IGSF9: variants seen among roughly 807,000 people sequenced by gnomAD.
The protein encoded by IGSF9 is protein turtle homolog A.
In IGSF9, 87 loss-of-function variants were observed where a neutral mutation model predicts 121.7. The observed-to-expected ratio is 0.71, with a 90% CI of 0.60 to 0.85. IGSF9 has a LOEUF of 0.85. Among genes scored for constraint, IGSF9 ranks in the 40% least tolerant of loss-of-function variants. The pLI, the probability that IGSF9 is intolerant of heterozygous loss-of-function variation, is 0.00. For synonymous variants in IGSF9, 640 were observed against 648.4 expected (o/e 0.99, Z 0.20); for missense variants, 1,462 against 1,565.3 (o/e 0.93, Z 1.11).
At chr1:159,927,620 T>C in intron 20 of IGSF9, 94 bp from the exon 21 acceptor site, 1 of 1,540,888 alleles carries the variant, frequency 6.5e-7, no homozygotes, top group Non-Finnish European at 8.8e-7. Flanking sequence ...CCAGTACAGA[T>C]GGCCCAAGGG....
rs372593977 is a variant in IGSF9 at position 159,936,430 on chromosome 1, G to A, written c.642C>T (p.Ser214=). 1.5e-5 allele frequency: 24 copies of A among 1,613,892 alleles called. No homozygotes were observed. Among genetic ancestry groups the A allele is most frequent in the Admixed American group, 1.0e-4 (6 of 59,992 alleles). Residue 214 remains serine, a synonymous_variant, in exon 6 of 21, where the codon AGC becomes AGT. Coordinates refer to ENST00000368094, the MANE Select transcript of IGSF9 (RefSeq NM_001135050.2). ...YTCQASSTEG[S]ATHATQLLVL... ...CTAGCAGCTGGGTGGCGTGGGTGGC[G>A]CTGCCCTCAGTGCTGGAGGCTTGGC... is the stretch of plus-strand genomic sequence containing the variant.
At chr1:159,935,014 T>G (rs916587086) in intron 6 of IGSF9, among the ~76,000 whole-genome samples, 192 bp from the exon 7 acceptor site, 27 of 152,224 alleles carry the variant, frequency 1.8e-4, no homozygotes, top group African/African-American at 6.5e-4. Flanking sequence ...AGACCCATTC[T>G]TCTTTCCAAA....
chr1:159,931,885 T>G lies in IGSF9; in HGVS notation c.1289A>C (p.Gln430Pro). Reference protein sequence around the residue: ...FIERPKEEYFQEVGRELLIPC... With the variant: ...FIERPKEEYFPEVGRELLIPC... Reference sequence around the variant, plus strand: ...GATGAGCAGCTCCCGCCCTACTTCTTGGAAATATTCTTCCTTGGGCCGCTC... The same window carrying G: ...GATGAGCAGCTCCCGCCCTACTTCTGGGAAATATTCTTCCTTGGGCCGCTC... The change falls in exon 11 of 21, where the codon CAA becomes CCA. Residue 430 changes from glutamine to proline, a missense_variant. By Grantham distance (76) the Gln-to-Pro change is moderately conservative (BLOSUM62 -1). This residue lies in a region of IGSF9 where 558 missense variants were observed against 599.4 expected (regional missense o/e 0.93). Coordinates refer to ENST00000368094, the MANE Select transcript of IGSF9 (RefSeq NM_001135050.2). This position sits in a 1 kb window ranked among gnomAD's most constrained non-coding sequence, Gnocchi z 4.8. 3.1e-6 allele frequency: 5 copies of G among 1,597,986 alleles called. No homozygotes were observed. Among genetic ancestry groups the G allele is most frequent in the Non-Finnish European group, 4.3e-6 (5 of 1,175,148 alleles).
In IGSF9 at chr1:159,934,834, A is replaced by C. The variant is rs759046376; in HGVS notation, c.674-12T>G. ...GATGACTGGGGGTCCTGTGGGATGCACAAGGGGAGGAAGGTGGCCTCAGCC... is the reference window on the plus strand; with the variant it reads ...GATGACTGGGGGTCCTGTGGGATGCCCAAGGGGAGGAAGGTGGCCTCAGCC... On this transcript the variant is annotated splice_polypyrimidine_tract_variant and intron_variant, in intron 6 of 20. Transcript: ENST00000368094. 10 of 1,613,826 alleles carry C rather than the reference A, an allele frequency of 6.2e-6. No homozygotes were observed. The highest frequency in any genetic ancestry group is 7.6e-6 in the Non-Finnish European group (9 of 1,179,946).
Position 159,929,956 on chromosome 1 carries a change from C to T in IGSF9, c.2084G>A (p.Arg695His), listed in dbSNP as rs765405500. The change falls in exon 16 of 21, where the codon CGC becomes CAC. Residue 695 changes from arginine to histidine, a missense_variant. By Grantham distance (29) the Arg-to-His change is conservative (BLOSUM62 0). Transcript: ENST00000368094. ...GLIKDVLYEF[R>H]LVAFAGSFVS... The stretch of plus-strand genomic sequence containing the variant: ...GAAGCTGCCCGCGAAGGCCACGAGG[C>T]GGAACTCGTAGAGAACATCCTGCGA... 1.9e-6 allele frequency: 3 copies of T among 1,585,862 alleles called. No homozygotes were observed. Among genetic ancestry groups the T allele is most frequent in the Non-Finnish European group, 2.6e-6 (3 of 1,166,904 alleles).
rs777609152 is a variant in IGSF9 at position 159,931,200 on chromosome 1, G to A, written c.1575C>T (p.Val525=). 14 of 1,614,028 alleles carry A rather than the reference G, an allele frequency of 8.7e-6. No homozygotes were observed. In the Admixed American group the frequency reaches 2.2e-4, roughly 25 times the overall value. Residue 525 remains valine, a synonymous_variant, in exon 13 of 21, where the codon GTC becomes GTT. Transcript: ENST00000368094. The surrounding 1 kb of genome is among the most constrained non-coding windows in gnomAD (Gnocchi z 4.8). ...CACCATCAAAGCCAGGCTCCCAGGA[G>A]ACATTGGCACCCTTGGGCAAAGCCA... ...SVVALPKGAN[V]SWEPGFDGGY...
rs1197267109 is a variant in IGSF9 at position 159,928,587 on chromosome 1, T to C, written c.2801A>G (p.Glu934Gly). 8 of 1,513,384 alleles carry C rather than the reference T, an allele frequency of 5.3e-6. No homozygotes were observed. Among genetic ancestry groups the C allele is most frequent in the Admixed American group, 2.2e-5 (1 of 44,706 alleles). The allele number at this position is 1,513,384 out of a possible 1,614,324, so 93.7% of individuals were successfully genotyped here. A position where few individuals can be genotyped will look rare whatever the true frequency, so the allele number is the denominator to read the frequency against. ...LQYLSLPFFR[E>G]MNVDGDWPPL... ...GGGCCAGTCCCCATCCACATTCATCTCTCGGAAGAAGGGCAGGCTCAGGTA... is the reference window on the plus strand; with the variant it reads ...GGGCCAGTCCCCATCCACATTCATCCCTCGGAAGAAGGGCAGGCTCAGGTA... The change falls in exon 19 of 21, where the codon GAG (glutamate) becomes GGG (glycine). Residue 934 changes from glutamate to glycine, a missense_variant. Coordinates refer to ENST00000368094, the MANE Select transcript of IGSF9 (RefSeq NM_001135050.2).
chr1:159,936,525 G>C lies in IGSF9; in HGVS notation c.556-9C>G, dbSNP rs181071898. 3.5e-4 allele frequency: 569 copies of C among 1,613,182 alleles called. 3 individuals are homozygous for C. In the African/African-American group the frequency reaches 6.2e-3, roughly 18 times the overall value. On this transcript the variant is annotated splice_polypyrimidine_tract_variant and intron_variant, in intron 5 of 20. Transcript: ENST00000368094. ...AGCGTCCCGTTCTGCACCTAGGGAA[G>C]GAGTGGGTGAGGAAGAGTCCTTTCC...
chr1:159,936,757 C>T lies in IGSF9; in HGVS notation c.552G>A (p.Val184=), dbSNP rs1463894158. Residue 184 remains valine (V), a synonymous_variant, in exon 5 of 21, where the codon GTG becomes GTA. Transcript: ENST00000368094. The part of the protein sequence containing the change: ...GKDLGQGQGQ[V]QVQNGTLRIR... ...TCTGTCCACCCCCAGGACTCACTTG[C>T]ACCTGGCCCTGGCCCTGGCCAAGGT... The T allele has an allele frequency of 6.2e-6, 10 of 1,614,134 alleles. No individual in the cohort carries two copies. Among genetic ancestry groups the T allele is most frequent in the Non-Finnish European group, 7.6e-6 (9 of 1,179,992 alleles).
At chr1:159,937,188 G>C (rs1031921660) in intron 4 of IGSF9, among the ~76,000 whole-genome samples, 1 of 152,220 alleles carries the variant, frequency 6.6e-6, no homozygotes, top group African/African-American at 2.4e-5. Flanking sequence ...TTCTGGGAGT[G>C]AGGAGGCCTG....
At position 159,934,509 on chromosome 1, in the gene IGSF9, G is replaced by C. The variant is rs1488009175; in HGVS notation, c.877C>G (p.Pro293Ala). 2 of 1,613,164 alleles carry C rather than the reference G, an allele frequency of 1.2e-6. No homozygotes were observed. The highest frequency in any genetic ancestry group is 1.7e-6 in the Non-Finnish European group (2 of 1,179,630). The change falls in exon 8 of 21, where the codon CCT becomes GCT. Residue 293 changes from proline to alanine, a missense_variant. This residue lies in a region of IGSF9 where 558 missense variants were observed against 599.4 expected (regional missense o/e 0.93). Coordinates refer to ENST00000368094, the MANE Select transcript of IGSF9 (RefSeq NM_001135050.2). Reference sequence around the variant, plus strand: ...CAGGTGTAGCAGCCGGCATCATCAGGCTGGGTGGCCAGCAGCCGCAGGCTC... The same window carrying C: ...CAGGTGTAGCAGCCGGCATCATCAGCCTGGGTGGCCAGCAGCCGCAGGCTC... ...DGSLRLLATQ[P>A]DDAGCYTCVP... is the part of the protein sequence containing the mutation.
chr1:159,929,669 AGCCCT>A lies in IGSF9; in HGVS notation c.2290_2294del (p.Arg764CysfsTer34). ...GGAGGCGCTTGCGGCGGCGGCGGGC[AGCCCT>A]GCGCCGGTTCAGGAGGCAGCCGGCC... On this transcript the variant is annotated frameshift_variant, in exon 17 of 21. Transcript: ENST00000368094. LOFTEE classifies it high-confidence loss of function. The A allele has an allele frequency of 6.3e-7, 1 of 1,594,822 alleles. No individual in the cohort carries two copies. The highest frequency in any genetic ancestry group is 8.5e-7 in the Non-Finnish European group (1 of 1,172,430).
chr1:159,927,097 C>CACACACAGAGAG lies in IGSF9; in HGVS notation c.*247_*248insCTCTCTGTGTGT, dbSNP rs762782876. ...AACTTCACACACACACACACACACA[C>CACACACAGAGAG]AGAGAGAGAGAGAGAGAGAGAGAGA... On this transcript the variant is annotated 3_prime_UTR_variant, in exon 21 of 21. Transcript: ENST00000368094. 9.7e-5 allele frequency: 36 copies of CACACACAGAGAG among 371,952 alleles called. No individual in the cohort carries two copies. Among genetic ancestry groups the CACACACAGAGAG allele is most frequent in the African/African-American group, 7.3e-4 (31 of 42,326 alleles). 23.0% of individuals were successfully genotyped at this position (371,952 alleles called of 1,614,324 possible).
Position 159,932,072 on chromosome 1 carries a change from C to T in IGSF9, c.1246-144G>A, listed in dbSNP as rs1171057384. 6.6e-6 allele frequency: 4 copies of T among 610,614 alleles called. No homozygotes were observed. Among genetic ancestry groups the T allele is most frequent in the South Asian group, 2.0e-5 (1 of 50,308 alleles). The allele number at this position is 610,614 out of a possible 1,614,324, so 37.8% of individuals were successfully genotyped here. A position where few individuals can be genotyped will look rare whatever the true frequency, so the allele number is the denominator to read the frequency against. ...TAAACACTCACCAAGCCTGTCTCTA[C>T]CTCATTCTCTCTCCATCTCTCAATT... On this transcript the variant is annotated intron_variant, in intron 10 of 20. Coordinates refer to ENST00000368094, the MANE Select transcript of IGSF9 (RefSeq NM_001135050.2). This position sits in a 1 kb window ranked among gnomAD's most constrained non-coding sequence, Gnocchi z 4.1.
At position 159,943,126 on chromosome 1, in the gene IGSF9, C is replaced by T. The variant is rs775115312; in HGVS notation, c.84G>A (p.Ser28=). 26 of 1,597,010 alleles carry T rather than the reference C, an allele frequency of 1.6e-5. No homozygotes were observed. Among genetic ancestry groups the T allele is most frequent in the Admixed American group, 1.1e-4 (6 of 54,410 alleles). ...CACTCTCCCCAGCCCGGCCCACCAC[C>T]GATACCACCTCAGGCTTCCCTCGAC... is the stretch of plus-strand genomic sequence containing the variant. ...ADGRGKPEVV[S]VVGRAGESVV... is the part of the protein sequence containing the mutation. Residue 28 remains serine, a synonymous_variant, in exon 3 of 21, where the codon TCG becomes TCA. Transcript: ENST00000368094.
At chr1:159,935,320 C>T (rs1007806447) in intron 6 of IGSF9, among the ~76,000 whole-genome samples, 4 of 152,190 alleles carry the variant, frequency 2.6e-5, no homozygotes, top group African/African-American at 7.2e-5. Context: ...GCAACAGCAC[C>T]TGGCTCCTAC....
chr1:159,931,346 C>T lies in IGSF9; in HGVS notation c.1514-85G>A. On this transcript the variant is annotated intron_variant, in intron 12 of 20. Coordinates refer to ENST00000368094, the MANE Select transcript of IGSF9 (RefSeq NM_001135050.2). This position sits in a 1 kb window ranked among gnomAD's most constrained non-coding sequence, Gnocchi z 4.8. ...GGGGCCCCAGGGCCACTGACCTTCA[C>T]CCATCATCATCCCAGGGGTCCCACA... is the stretch of plus-strand genomic sequence containing the variant. 1 of 1,600,264 alleles carries T rather than the reference C, an allele frequency of 6.2e-7. No homozygotes were observed. Among genetic ancestry groups the T allele is most frequent in the South Asian group, 1.1e-5 (1 of 89,668 alleles).
intron 14 of IGSF9, 109 bp from the exon 15 acceptor site, chr1:159,930,548 T>G: frequency 6.6e-7 from 1 of 1,520,646 alleles, no homozygotes; most frequent in Non-Finnish European, 8.8e-7. Flanking sequence ...GAAGACAAGC[T>G]CAAATCATCT....
chr1:159,928,356 C>T lies in IGSF9; in HGVS notation c.3032G>A (p.Gly1011Asp), dbSNP rs1431943700. Residue 1011 changes from glycine to aspartate, a missense_variant, in exon 19 of 21, where the codon GGC becomes GAC. This residue lies in a region of IGSF9 where 808 missense variants were observed against 815.2 expected (regional missense o/e 0.99). Coordinates refer to ENST00000368094, the MANE Select transcript of IGSF9 (RefSeq NM_001135050.2). ...DWTLRERLLP[G>D]LLPAAPRGSL... ...GCCTCGAGGGGCAGCAGGGAGAAGG[C>T]CTGGCAGCAGCCGCTCCCTCAGTGT... The T allele has an allele frequency of 1.2e-6, 2 of 1,609,238 alleles. No homozygotes were observed. Among genetic ancestry groups the T allele is most frequent in the African/African-American group, 1.3e-5 (1 of 74,866 alleles).
Sources: allele counts gnomAD v4.1 joint callset (sites outside exome capture counted in the v4.1 genomes callset), GRCh38; gene constraint gnomAD v4.1.1; regional missense constraint gnomAD v4.1.1; non-coding constraint Gnocchi (gnomAD v3.1); transcripts MANE v1.5; gene names NCBI Gene and HGNC (gene_info 2026-07-23, HGNC 2026-07-21).